SPOCK3: variants seen among roughly 807,000 people sequenced by gnomAD.
SPOCK3 encodes the protein testican-3.
Under a neutral mutation model 56.6 loss-of-function variants are expected in SPOCK3, and 30 were observed. That is an observed-to-expected ratio of 0.53 (90% CI 0.40 to 0.72). The LOEUF (loss-of-function observed/expected upper bound fraction) is 0.72, where lower values mean the gene tolerates loss of function less well. SPOCK3 is among the 30% of genes least tolerant of loss of function. The pLI is 0.00. For synonymous variants in SPOCK3, 196 were observed against 183.3 expected (o/e 1.07, Z -0.56); for missense variants, 527 against 530.0 (o/e 0.99, Z 0.06).
At chr4:167,184,106 T>G (rs1374981665) in intron 2 of SPOCK3, among the ~76,000 whole-genome samples, 1 of 152,214 alleles carries the variant, frequency 6.6e-6, no homozygotes, top group Admixed American at 6.5e-5. Context: ...TATGTGCACA[T>G]TGAACATATT....
At chr4:167,227,731 A>G (rs1392089668) in intron 2 of SPOCK3, among the ~76,000 whole-genome samples, 1 of 152,170 alleles carries the variant, frequency 6.6e-6, no homozygotes, top group Non-Finnish European at 1.5e-5. Context: ...AAAAATAAGT[A>G]CATAAAATGA....
chr4:166,774,754 G>A (rs1739342072), intron 7 of SPOCK3, among the ~76,000 whole-genome samples: 1 of 152,082 alleles, frequency 6.6e-6, no homozygotes, highest in South Asian at 2.1e-4. Flanking sequence ...GAGTGGTTCT[G>A]TTGAAATCCC....
intron 3 of SPOCK3, 72 bp downstream of exon 3, chr4:167,062,420 A>G (rs1755698638): frequency 8.3e-7 from 1 of 1,210,852 alleles, no homozygotes; most frequent in Admixed American, 1.9e-5. Flanking sequence ...ACCAGACAGT[A>G]AATATCATTT....
chr4:166,871,009 A>T (rs1412348666), intron 6 of SPOCK3, among the ~76,000 whole-genome samples: 1 of 152,066 alleles, frequency 6.6e-6, no homozygotes, highest in Non-Finnish European at 1.5e-5. Context: ...TTTGCCTTCC[A>T]TCATGATTGT....
chr4:167,115,433 T>C (rs1192419215), intron 2 of SPOCK3, among the ~76,000 whole-genome samples: 4 of 151,944 alleles, frequency 2.6e-5, no homozygotes, highest in Non-Finnish European at 5.9e-5. Context: ...GAAAATAAAA[T>C]TGAAGCATAA....
chr4:166,800,699 G>A (rs755247241), intron 6 of SPOCK3, among the ~76,000 whole-genome samples: 1 of 152,074 alleles, frequency 6.6e-6, no homozygotes, highest in Non-Finnish European at 1.5e-5. Flanking sequence ...GAAATATACA[G>A]TATCAAAAAG....
intron 6 of SPOCK3, among the ~76,000 whole-genome samples, chr4:166,870,508 T>C (rs937190398): frequency 6.6e-6 from 1 of 151,958 alleles, no homozygotes; most frequent in Admixed American, 6.6e-5. Context: ...ATTAAGTATA[T>C]TCTTAGAACA....
chr4:167,127,842 T>G lies in SPOCK3; in HGVS notation c.190-65305A>C, dbSNP rs553522897. On this transcript the variant is annotated intron_variant, in intron 2 of 10. Transcript: ENST00000357545. ...GAGAAGAAAATAAATTCTCCTAAAC[T>G]TCTTCAAACTTTGGTTTCCCATTAT... 2.0e-5 allele frequency among the ~76,000 whole-genome samples: 3 copies of G among 152,330 alleles called. No homozygotes were observed. In the South Asian group the frequency reaches 6.2e-4, roughly 32 times the overall value.
chr4:166,927,143 T>C (rs1739198417), intron 4 of SPOCK3, among the ~76,000 whole-genome samples: 1 of 152,212 alleles, frequency 6.6e-6, no homozygotes, highest in Admixed American at 6.5e-5. Flanking sequence ...TCAAATAATT[T>C]CTTCAATAAT....
chr4:167,105,437 A>C (rs1220511649), intron 2 of SPOCK3, among the ~76,000 whole-genome samples: 1 of 148,736 alleles, frequency 6.7e-6, no homozygotes, highest in African/African-American at 2.5e-5. Flanking sequence ...TCTCAAATTA[A>C]AAAATTACAA....
chr4:166,992,029 A>G (rs1190693717), intron 4 of SPOCK3, among the ~76,000 whole-genome samples: 1 of 152,210 alleles, frequency 6.6e-6, no homozygotes, highest in Non-Finnish European at 1.5e-5. Flanking sequence ...TAGTCTTGTA[A>G]TGGGTTTCTT....
At chr4:167,141,252 A>AT (rs1763505645) in intron 2 of SPOCK3, among the ~76,000 whole-genome samples, 3 of 152,106 alleles carry the variant, frequency 2.0e-5, no homozygotes, top group South Asian at 4.1e-4. Flanking sequence ...TTGTACAGTC[A>AT]TAAAAAAAAG....
intron 6 of SPOCK3, among the ~76,000 whole-genome samples, chr4:166,803,451 G>A (rs543347531): frequency 6.6e-6 from 1 of 152,168 alleles, no homozygotes; most frequent in Admixed American, 6.5e-5. Flanking sequence ...GACAGCTGGT[G>A]GCATTTGGGG....
At chr4:167,055,608 G>A (rs913774842) in intron 3 of SPOCK3, among the ~76,000 whole-genome samples, 19 of 152,282 alleles carry the variant, frequency 1.2e-4, no homozygotes, top group African/African-American at 3.6e-4. Context: ...TGAATACTGC[G>A]CTTTTCCAAC....
intron 3 of SPOCK3, among the ~76,000 whole-genome samples, chr4:167,049,603 G>A (rs546873111): frequency 6.6e-6 from 1 of 152,150 alleles, no homozygotes; most frequent in South Asian, 2.1e-4. Context: ...ATATTCATTA[G>A]AATCAGAAAA....
intron 8 of SPOCK3, among the ~76,000 whole-genome samples, chr4:166,743,869 C>T (rs965394483): frequency 5.9e-5 from 9 of 152,126 alleles, no homozygotes; most frequent in African/African-American, 9.7e-5. Context: ...GCACAGCAGT[C>T]GGAGATCCAA....
chr4:166,920,769 C>T (rs1306611346), intron 4 of SPOCK3, among the ~76,000 whole-genome samples: 1 of 151,984 alleles, frequency 6.6e-6, no homozygotes, highest in Non-Finnish European at 1.5e-5. Flanking sequence ...CTATTGAAAA[C>T]ACATTTTTAT....
intron 2 of SPOCK3, among the ~76,000 whole-genome samples, chr4:167,219,661 TGAAA>T (rs774742200): frequency 1.0e-3 from 158 of 152,224 alleles, no homozygotes; most frequent in Admixed American, 4.6e-3. Flanking sequence ...TCAAGTTGAC[TGAAA>T]GATTTATTTT....
intron 5 of SPOCK3, among the ~76,000 whole-genome samples, chr4:166,891,559 A>G (rs1380836403): frequency 6.6e-6 from 1 of 151,948 alleles, no homozygotes; most frequent in Admixed American, 6.6e-5. Flanking sequence ...GTTATTTTTC[A>G]TTATTCAATG....
Sources: allele counts gnomAD v4.1 joint callset (sites outside exome capture counted in the v4.1 genomes callset), GRCh38; gene constraint gnomAD v4.1.1; transcripts MANE v1.5; gene names NCBI Gene and HGNC (gene_info 2026-07-23, HGNC 2026-07-21).